C10orf67: variants seen among roughly 807,000 people sequenced by gnomAD.
C10orf67 encodes the protein chromosome 10 open reading frame 67.
C10orf67 carries 60 observed loss-of-function variants against 35.6 expected under a neutral mutation model. That is an observed-to-expected ratio of 1.68 (90% CI 1.37 to 2.09). The LOEUF (loss-of-function observed/expected upper bound fraction) is 2.09, where lower values mean the gene tolerates loss of function less well. C10orf67 is among the 30% of genes most tolerant of loss of function. The probability of loss-of-function intolerance (pLI) is 0.00; values close to 1 mark genes in which losing one functional copy is unlikely to be tolerated. For synonymous variants in C10orf67, 167 were observed against 115.8 expected (o/e 1.44, Z -2.84); for missense variants, 474 against 330.2 (o/e 1.44, Z -3.38).
chr10:23,213,735 T>C (rs983262670), intron 15 of C10orf67, among the ~76,000 whole-genome samples: 2 of 151,878 alleles, frequency 1.3e-5, no homozygotes, highest in African/African-American at 4.8e-5. Context: ...CAAATCAGCA[T>C]GGGGGAAACG....
At chr10:23,326,906 C>CAA (rs1845220155) in intron 2 of C10orf67, among the ~76,000 whole-genome samples, 1 of 151,912 alleles carries the variant, frequency 6.6e-6, no homozygotes, top group Admixed American at 6.6e-5. Context: ...TAAATCTAAA[C>CAA]AAGCATTAAT....
intron 13 of C10orf67, among the ~76,000 whole-genome samples, chr10:23,228,042 C>A (rs1411556266): frequency 2.0e-5 from 3 of 152,152 alleles, no homozygotes; most frequent in African/African-American, 7.2e-5. Context: ...CAATGCCATT[C>A]CCATCAAGCT....
intron 8 of C10orf67, among the ~76,000 whole-genome samples, chr10:23,269,514 T>C (rs918604140): frequency 6.6e-6 from 1 of 152,020 alleles, no homozygotes; most frequent in African/African-American, 2.4e-5. Flanking sequence ...AGAAAATAAA[T>C]AACGAAATAG....
chr10:23,259,799 G>C (rs1842699188), intron 10 of C10orf67, among the ~76,000 whole-genome samples: 1 of 151,966 alleles, frequency 6.6e-6, no homozygotes, highest in Non-Finnish European at 1.5e-5. Context: ...CTCATCAATA[G>C]ACTCAATATA....
At chr10:23,331,517 GA>G in intron 2 of C10orf67, among the ~76,000 whole-genome samples, 1 of 92,596 alleles carries the variant, frequency 1.1e-5, no homozygotes, top group Non-Finnish European at 2.3e-5. Context: ...GAAGGGAAGG[GA>G]AGGGAAAAGG....
Position 23,320,723 on chromosome 10 carries a change from C to G in C10orf67, c.546+18G>C, listed in dbSNP as rs760139478. 3 of 1,571,666 alleles carry G rather than the reference C, an allele frequency of 1.9e-6. No homozygotes were observed. The highest frequency in any genetic ancestry group is 2.6e-6 in the Non-Finnish European group (3 of 1,154,394). On this transcript the variant is annotated intron_variant, in intron 4 of 15. Transcript: ENST00000636213. Reference sequence around the variant, plus strand: ...GCTAGCCTTGCCCACAACTACGGCACCAGAAACAGAAACTCACCTGGTACA... The same window carrying G: ...GCTAGCCTTGCCCACAACTACGGCAGCAGAAACAGAAACTCACCTGGTACA...
intron 15 of C10orf67, among the ~76,000 whole-genome samples, chr10:23,220,415 A>T (rs932774): frequency 6.6e-6 from 1 of 152,044 alleles, no homozygotes; most frequent in Non-Finnish European, 1.5e-5. Flanking sequence ...ACACAACAGG[A>T]AGCACTAAGA....
intron 4 of C10orf67, chr10:23,317,257 C>A (rs1441808297): frequency 2.0e-5 from 3 of 152,492 alleles, no homozygotes; most frequent in African/African-American, 4.8e-5. Context: ...GGCTTGGCCA[C>A]AACTTTGCTT....
chr10:23,257,362 T>C (rs1405489093), intron 10 of C10orf67, among the ~76,000 whole-genome samples: 1 of 152,164 alleles, frequency 6.6e-6, no homozygotes, highest in Non-Finnish European at 1.5e-5. Flanking sequence ...AGCAGTGCAC[T>C]ACTGAGGCAT....
At chr10:23,219,853 G>A (rs557929047) in intron 15 of C10orf67, among the ~76,000 whole-genome samples, 2 of 152,066 alleles carry the variant, frequency 1.3e-5, no homozygotes, top group East Asian at 1.9e-4. Context: ...ACTTATGCCT[G>A]GTAGAAAATC....
At chr10:23,326,810 A>T (rs1252673422) in intron 2 of C10orf67, among the ~76,000 whole-genome samples, 2 of 152,164 alleles carry the variant, frequency 1.3e-5, no homozygotes, top group African/African-American at 2.4e-5. Flanking sequence ...GGGTCAAAAG[A>T]TCTTTAGAAA....
At chr10:23,217,741 C>T (rs143635388) in intron 15 of C10orf67, among the ~76,000 whole-genome samples, 16 of 152,106 alleles carry the variant, frequency 1.1e-4, no homozygotes, top group African/African-American at 3.9e-4. Flanking sequence ...ATAAGGAATG[C>T]GATTAGTGGT....
At chr10:23,218,012 C>T (rs554198589) in intron 15 of C10orf67, among the ~76,000 whole-genome samples, 1 of 152,304 alleles carries the variant, frequency 6.6e-6, no homozygotes, top group East Asian at 1.9e-4. Context: ...GACAGAGCTT[C>T]AGTTACAGAG....
In C10orf67 at chr10:23,322,385, A is replaced by G. The variant is rs1844990577; in HGVS notation, c.471+9T>C. The G allele has an allele frequency of 6.2e-7, 1 of 1,606,744 alleles. No individual in the cohort carries two copies. The highest frequency in any genetic ancestry group is 8.5e-7 in the Non-Finnish European group (1 of 1,174,700). Reference sequence around the variant, plus strand: ...CCACATAAAACAAAAGAAATAAGAGAACATTTACCTGTTGATAATGCTTTT... The same window carrying G: ...CCACATAAAACAAAAGAAATAAGAGGACATTTACCTGTTGATAATGCTTTT... On this transcript the variant is annotated intron_variant, in intron 3 of 15. Transcript: ENST00000636213.
chr10:23,310,332 C>A (rs570036496), intron 4 of C10orf67, among the ~76,000 whole-genome samples: 1 of 152,218 alleles, frequency 6.6e-6, no homozygotes, highest in Admixed American at 6.5e-5. Flanking sequence ...CTCTGGCCCC[C>A]CTTAGATTTG....
chr10:23,202,812 C>T lies in C10orf67; in HGVS notation c.*1361G>A, dbSNP rs1036470555. 1 of 152,184 alleles carries T rather than the reference C, an allele frequency of 6.6e-6. No individual in the cohort carries two copies. Among genetic ancestry groups the T allele is most frequent in the African/African-American group, 2.4e-5 (1 of 41,440 alleles). The allele number at this position is 152,184 out of a possible 1,614,324, so 9.4% of individuals were successfully genotyped here. Reference sequence around the variant, plus strand: ...GAAGCAGTTTGATATCACACCCAACCAGGAGGCTGCTTCCAAGGAATTTCT... The same window carrying T: ...GAAGCAGTTTGATATCACACCCAACTAGGAGGCTGCTTCCAAGGAATTTCT... On this transcript the variant is annotated 3_prime_UTR_variant, in exon 16 of 16. Transcript: ENST00000636213.
chr10:23,202,083 C>T (rs1440920720), downstream of C10orf67: 1 of 152,226 alleles, frequency 6.6e-6, no homozygotes, highest in East Asian at 1.9e-4. Flanking sequence ...CTGAATAACT[C>T]CTTGCAAGTC....
chr10:23,262,364 G>C (rs926730059), intron 10 of C10orf67, among the ~76,000 whole-genome samples: 1 of 126,792 alleles, frequency 7.9e-6, no homozygotes, highest in Non-Finnish European at 1.6e-5. Context: ...GGAGGGGGGT[G>C]GGGGGAGAGG....
At chr10:23,314,664 A>C (rs752654449) in intron 4 of C10orf67, among the ~76,000 whole-genome samples, 25 of 152,148 alleles carry the variant, frequency 1.6e-4, no homozygotes, top group Admixed American at 2.6e-4. Flanking sequence ...ATCTGCTTCC[A>C]AGCTCACTCA....
Sources: allele counts gnomAD v4.1 joint callset (sites outside exome capture counted in the v4.1 genomes callset), GRCh38; gene constraint gnomAD v4.1.1; transcripts MANE v1.5; gene names NCBI Gene and HGNC (gene_info 2026-07-23, HGNC 2026-07-21).